Variants in STAG3 observed in about 807,000 individuals in gnomAD.
STAG3 encodes STAG3 cohesin complex component.
In STAG3, 101 loss-of-function variants were observed where a neutral mutation model predicts 160.7. The ratio of observed to expected loss-of-function variants is 0.63; its 90% CI spans 0.54 to 0.74. The LOEUF (loss-of-function observed/expected upper bound fraction) is 0.74, where lower values mean the gene tolerates loss of function less well. Ranked by LOEUF, STAG3 falls within the 30% of genes least tolerant of loss-of-function variation. The pLI is 0.00. For missense variants in STAG3, 1,188 were observed against 1,517.4 expected (o/e 0.78, Z 3.61); for synonymous variants, 519 against 585.0 (o/e 0.89, Z 1.63).
rs778564184 is a variant in STAG3 at position 100,211,869 on chromosome 7, C to G, written c.3593C>G (p.Thr1198Arg). 1 of 1,613,958 alleles carries G rather than the reference C, an allele frequency of 6.2e-7. No homozygotes were observed. Among genetic ancestry groups the G allele is most frequent in the South Asian group, 1.1e-5 (1 of 91,060 alleles). The stretch of plus-strand genomic sequence containing the variant: ...GAGTCAAATGAAGAACGGCAGGATA[C>G]AGACATGGTGAGTAGACCACCCTGC... ...QDESNEERQD[T>R]DMQASSYSST... The change falls in exon 32 of 34, where the codon ACA becomes AGA. Residue 1198 changes from threonine to arginine, a missense_variant. Thr to Arg is a moderately conservative substitution (Grantham distance 71). Transcript: ENST00000615138.
intron 29 of STAG3, among the ~76,000 whole-genome samples, chr7:100,209,315 T>C (rs1272069454): frequency 6.6e-6 from 1 of 152,128 alleles, no homozygotes; most frequent in Non-Finnish European, 1.5e-5. Context: ...GGGAGGGTGC[T>C]TAGTGTGTAT....
At chr7:100,182,617 T>A (rs1383750377) in intron 3 of STAG3, 106 bp from the exon 4 acceptor site, 1 of 1,110,074 alleles carries the variant, frequency 9.0e-7, no homozygotes, top group East Asian at 2.4e-5. Context: ...TGCTGTGGAA[T>A]TGGCAGCTTA....
chr7:100,192,613 CAG>C (rs1414741892), intron 8 of STAG3, among the ~76,000 whole-genome samples: 1 of 152,200 alleles, frequency 6.6e-6, no homozygotes, highest in East Asian at 1.9e-4. Context: ...GTTTTGAAGA[CAG>C]GGTCTCGCTC....
chr7:100,199,474 G>C (rs555000414), intron 15 of STAG3, 67 bp from the exon 16 acceptor site: 16 of 1,556,380 alleles, frequency 1.0e-5, no homozygotes, highest in Non-Finnish European at 1.4e-5. Flanking sequence ...GCATCGGGTG[G>C]GGGGAGCTTG....
At chr7:100,204,951 CTGGGAGGGAAG>C in intron 27 of STAG3, 43 bp from the exon 28 acceptor site, 2 of 1,595,676 alleles carry the variant, frequency 1.3e-6, no homozygotes, top group Non-Finnish European at 1.7e-6. Flanking sequence ...TAGCTCAGGC[CTGGGAGGGAAG>C]TGGGAAGAGA....
chr7:100,189,202 C>T (rs1800207389), intron 7 of STAG3, among the ~76,000 whole-genome samples, 186 bp downstream of exon 7: 1 of 152,066 alleles, frequency 6.6e-6, no homozygotes, highest in Admixed American at 6.6e-5. Context: ...ATCACAGCAA[C>T]AATTTCCAGG....
At chr7:100,181,147 C>G (rs541605984) in intron 2 of STAG3, among the ~76,000 whole-genome samples, 31 of 152,114 alleles carry the variant, frequency 2.0e-4, no homozygotes, top group African/African-American at 7.5e-4. Flanking sequence ...TGGCTAGTGT[C>G]CCCTATTTCT....
At chr7:100,198,377 T>C in intron 12 of STAG3, 98 bp from the exon 13 acceptor site, 1 of 1,378,954 alleles carries the variant, frequency 7.3e-7, no homozygotes, top group Non-Finnish European at 1.0e-6. Flanking sequence ...TTTTGTGAGT[T>C]ATGTCCTTGT....
chr7:100,210,610 A>C (rs1802096094), intron 29 of STAG3, among the ~76,000 whole-genome samples: 1 of 152,180 alleles, frequency 6.6e-6, no homozygotes, highest in Non-Finnish European at 1.5e-5. Context: ...CTGACCACAG[A>C]AATCTTGGAT....
intron 29 of STAG3, among the ~76,000 whole-genome samples, chr7:100,209,865 C>T (rs1463036321): frequency 6.6e-6 from 1 of 152,110 alleles, no homozygotes; most frequent in Non-Finnish European, 1.5e-5. Flanking sequence ...TTGACAGTAT[C>T]TGAGATGGGG....
intron 12 of STAG3, 33 bp from the exon 13 acceptor site, chr7:100,198,442 A>C (rs762089127): frequency 4.0e-5 from 64 of 1,605,856 alleles, no homozygotes; most frequent in Non-Finnish European, 3.9e-5. Flanking sequence ...CAATGTCCCT[A>C]TTCACATACT....
Position 100,197,892 on chromosome 7 carries a change from C to A in STAG3, c.1164+16C>A. On this transcript the variant is annotated intron_variant, in intron 11 of 33. Transcript: ENST00000615138. ...CCGCTTCAAGGTAAAATGGGTGGTG[C>A]TCCATGGCTTGGCTCTTTGTCGTGG... is the stretch of plus-strand genomic sequence containing the variant. The A allele has an allele frequency of 1.2e-6, 2 of 1,607,528 alleles. No individual in the cohort carries two copies. The highest frequency in any genetic ancestry group is 1.7e-6 in the Non-Finnish European group (2 of 1,174,102).
At chr7:100,204,505 G>A in intron 26 of STAG3, 122 bp from the exon 27 acceptor site, 1 of 1,242,468 alleles carries the variant, frequency 8.0e-7, no homozygotes, top group South Asian at 1.5e-5. Flanking sequence ...GAAGGAAAGA[G>A]TAAAAGTAGT....
chr7:100,202,152 C>T lies in STAG3; in HGVS notation c.2395-20C>T, dbSNP rs150085849. 8.5e-5 allele frequency: 136 copies of T among 1,609,306 alleles called. 1 individual carries two copies. The East Asian group carries it at 2.9e-3, about 34-fold the overall frequency. The stretch of plus-strand genomic sequence containing the variant: ...GGAAACATTCTGTCCTTTTAAACAT[C>T]CTTTCTTTTCCCCCTACAGGCTTTT... On this transcript the variant is annotated intron_variant, in intron 23 of 33. Transcript: ENST00000615138.
Position 100,182,149 on chromosome 7 carries a change from A to G in STAG3, c.176A>G (p.Asn59Ser), listed in dbSNP as rs200800005. Residue 59 changes from asparagine (N) to serine (S), a missense_variant, in exon 3 of 34, where the codon AAT (asparagine) becomes AGT (serine). Physicochemically the swap from Asn to Ser is conservative, Grantham distance 46 (BLOSUM62 1). Coordinates refer to ENST00000615138, the MANE Select transcript of STAG3 (RefSeq NM_001282717.2). Reference sequence around the variant, plus strand: ...GACTTTGAAGACAGCTTGAATCGCAATGTGAAGAAGAGAGCAGCAAAACGA... The same window carrying G: ...GACTTTGAAGACAGCTTGAATCGCAGTGTGAAGAAGAGAGCAGCAAAACGA... Reference protein sequence around the residue: ...DTDFEDSLNRNVKKRAAKRPP... With the variant: ...DTDFEDSLNRSVKKRAAKRPP... 27 of 1,613,330 alleles carry G rather than the reference A, an allele frequency of 1.7e-5. No homozygotes were observed. The Admixed American group carries it at 2.7e-4, about 16-fold the overall frequency.
chr7:100,205,531 T>A, intron 29 of STAG3, 147 bp downstream of exon 29: 1 of 934,606 alleles, frequency 1.1e-6, no homozygotes, highest in Non-Finnish European at 1.5e-6. Flanking sequence ...TGAAAACCTG[T>A]ATTAAAAATC....
At chr7:100,191,228 A>C (rs1394744451) in intron 8 of STAG3, among the ~76,000 whole-genome samples, 1 of 152,136 alleles carries the variant, frequency 6.6e-6, no homozygotes, top group Non-Finnish European at 1.5e-5. Flanking sequence ...TGGCAGCCAA[A>C]AAAATCTTTA....
At chr7:100,188,664 C>T in intron 6 of STAG3, 135 bp downstream of exon 6, 1 of 1,086,592 alleles carries the variant, frequency 9.2e-7, no homozygotes, top group South Asian at 1.3e-5. Context: ...TAAAAGAGAT[C>T]TGAATATGCC....
At position 100,211,124 on chromosome 7, in the gene STAG3, C is replaced by A; in HGVS notation, c.3352C>A (p.Pro1118Thr). 6.2e-7 allele frequency: 1 copy of A among 1,610,604 alleles called. No individual in the cohort carries two copies. Among genetic ancestry groups the A allele is most frequent in the South Asian group, 1.1e-5 (1 of 90,498 alleles). ...LTSTAVKSRQPLWGLKEMEEE... is the reference protein window; with the variant it reads ...LTSTAVKSRQTLWGLKEMEEE... The stretch of plus-strand genomic sequence containing the variant: ...CTCCACAGCTGTGAAGAGCAGGCAG[C>A]CCCTGTGGGGGTTGAAAGAGATGGA... Residue 1118 changes from proline (P) to threonine (T), a missense_variant, in exon 30 of 34, where the codon CCC becomes ACC. Transcript: ENST00000615138.
Sources: gnomAD v4.1 joint callset for allele counts (sites outside exome capture counted in the v4.1 genomes callset) on GRCh38, gnomAD v4.1.1 for gene constraint, MANE v1.5 for transcripts, NCBI Gene and HGNC (gene_info 2026-07-23, HGNC 2026-07-21) for gene names.